Variants in EPM2A observed in about 807,000 individuals in gnomAD.
EPM2A encodes laforin.
EPM2A carries 21 observed loss-of-function variants against 26.5 expected under a neutral mutation model. The ratio of observed to expected loss-of-function variants is 0.79; its 90% CI spans 0.56 to 1.14. The LOEUF (loss-of-function observed/expected upper bound fraction) is 1.14, where lower values mean the gene tolerates loss of function less well. EPM2A is among the 50% of genes most tolerant of loss of function. The probability of loss-of-function intolerance (pLI) is 0.00; values close to 1 mark genes in which losing one functional copy is unlikely to be tolerated. For missense variants in EPM2A, 458 were observed against 440.8 expected (o/e 1.04, Z -0.35); for synonymous variants, 217 against 177.6 (o/e 1.22, Z -1.76).
At chr6:145,524,791 C>T (rs1780248661) in intron 2 of EPM2A, among the ~76,000 whole-genome samples, 1 of 152,014 alleles carries the variant, frequency 6.6e-6, no homozygotes, top group Non-Finnish European at 1.5e-5. Flanking sequence ...TACTTGCTGA[C>T]TTTAGTTTTT....
intron 4 of EPM2A, among the ~76,000 whole-genome samples, chr6:145,455,185 T>C (rs2114711892): frequency 6.6e-6 from 1 of 152,186 alleles, no homozygotes; most frequent in Admixed American, 6.5e-5. Context: ...TATAGAGGTA[T>C]AATTTAAGTG....
chr6:145,692,674 G>T (rs542665107), intron 1 of EPM2A, among the ~76,000 whole-genome samples: 4 of 151,974 alleles, frequency 2.6e-5, no homozygotes, highest in African/African-American at 9.6e-5. Context: ...ATTGAATAGG[G>T]TCCTTTCCCC....
At position 145,425,059 on chromosome 6, in the gene EPM2A, G is replaced by A. The variant is rs148192496; in HGVS notation, c.556-40962C>T. 1.6e-3 allele frequency among the ~76,000 whole-genome samples: 238 copies of A among 152,098 alleles called. 6 individuals are homozygous for A. The highest frequency in any genetic ancestry group is 7.7e-4 in the East Asian group (4 of 5,176). On this transcript the variant is annotated intron_variant, in intron 4 of 4. Transcript: ENST00000638717. ...ACAGTACAGTACCATATGCGATTGAGATTGTGTGTGTTTTCTCATACATAA... is the reference window on the plus strand; with the variant it reads ...ACAGTACAGTACCATATGCGATTGAAATTGTGTGTGTTTTCTCATACATAA...
intron 4 of EPM2A, among the ~76,000 whole-genome samples, chr6:145,488,930 T>C (rs1303098668): frequency 2.6e-5 from 4 of 152,212 alleles, no homozygotes; most frequent in African/African-American, 9.6e-5. Flanking sequence ...GTTGTTATTA[T>C]AGGCAAAAAT....
chr6:145,727,250 G>A (rs575323679), intron 1 of EPM2A, among the ~76,000 whole-genome samples: 13 of 152,012 alleles, frequency 8.6e-5, no homozygotes, highest in Admixed American at 6.5e-5. Context: ...ACATGGTCAC[G>A]AATTTAAAGA....
At chr6:145,648,169 T>C (rs1208132617) in intron 2 of EPM2A, among the ~76,000 whole-genome samples, 1 of 152,184 alleles carries the variant, frequency 6.6e-6, no homozygotes, top group Non-Finnish European at 1.5e-5. Context: ...ATTATATACT[T>C]GTAAATAGGT....
intron 4 of EPM2A, among the ~76,000 whole-genome samples, chr6:145,445,278 T>C (rs1168629472): frequency 4.6e-5 from 7 of 152,102 alleles, no homozygotes; most frequent in Non-Finnish European, 7.4e-5. Flanking sequence ...CAACAAAACA[T>C]TTGCCTATAA....
chr6:145,677,081 C>G (rs1338565986), intron 2 of EPM2A, among the ~76,000 whole-genome samples: 3 of 152,256 alleles, frequency 2.0e-5, no homozygotes, highest in African/African-American at 7.2e-5. Context: ...AAAGCTTATC[C>G]TCCACAATCA....
chr6:145,552,995 C>T (rs1780676289), intron 2 of EPM2A, among the ~76,000 whole-genome samples: 1 of 152,098 alleles, frequency 6.6e-6, no homozygotes, highest in Non-Finnish European at 1.5e-5. Flanking sequence ...TCTGTGTCCC[C>T]ACCCAAATCT....
intron 2 of EPM2A, among the ~76,000 whole-genome samples, chr6:145,657,105 T>TA (rs1562450928): frequency 1.3e-5 from 2 of 149,936 alleles, no homozygotes; most frequent in African/African-American, 4.9e-5. Flanking sequence ...TTTTTTTTTT[T>TA]TTGAGATGGA....
At chr6:145,406,368 G>C (rs1778569526) in intron 4 of EPM2A, among the ~76,000 whole-genome samples, 1 of 152,088 alleles carries the variant, frequency 6.6e-6, no homozygotes, top group African/African-American at 2.4e-5. Context: ...CATAATGCTA[G>C]ATCTATAGTT....
chr6:145,559,494 A>T (rs426874), intron 2 of EPM2A, among the ~76,000 whole-genome samples: 23 of 151,876 alleles, frequency 1.5e-4, no homozygotes, highest in African/African-American at 4.6e-4. Context: ...TAACAAATAA[A>T]GGATAGAGAC....
intron 2 of EPM2A, among the ~76,000 whole-genome samples, chr6:145,527,765 G>A (rs1780298639): frequency 6.6e-6 from 1 of 152,018 alleles, no homozygotes; most frequent in Non-Finnish European, 1.5e-5. Context: ...TAAGTGGGAT[G>A]TTTAGGCATG....
At chr6:145,405,158 A>C (rs939125177) in intron 4 of EPM2A, among the ~76,000 whole-genome samples, 2 of 152,188 alleles carry the variant, frequency 1.3e-5, no homozygotes, top group African/African-American at 4.8e-5. Context: ...AAGCTTACAC[A>C]AAAGTACCAC....
chr6:145,567,191 G>A (rs1175665451), intron 2 of EPM2A, among the ~76,000 whole-genome samples: 1 of 152,166 alleles, frequency 6.6e-6, no homozygotes, highest in Non-Finnish European at 1.5e-5. Context: ...CTACCCATTG[G>A]ATGGATCAAT....
At chr6:145,632,343 G>A (rs546135237) in intron 3 of EPM2A, 1 of 152,292 alleles carries the variant, frequency 6.6e-6, no homozygotes, top group African/African-American at 2.4e-5. Flanking sequence ...AACTCATTTG[G>A]GAGGCAAGGG....
intron 4 of EPM2A, among the ~76,000 whole-genome samples, chr6:145,402,925 C>T (rs1050665577): frequency 2.6e-5 from 4 of 152,114 alleles, no homozygotes; most frequent in African/African-American, 9.7e-5. Flanking sequence ...TGTGCATTTG[C>T]AATTTTAATG....
intron 2 of EPM2A, among the ~76,000 whole-genome samples, chr6:145,519,693 C>T (rs1057360520): frequency 3.3e-5 from 5 of 152,218 alleles, no homozygotes; most frequent in Non-Finnish European, 5.9e-5. Flanking sequence ...ACAGAGGTTT[C>T]GAGAAACCCT....
chr6:145,496,686 C>T (rs907822356), downstream of EPM2A, among the ~76,000 whole-genome samples: 3 of 150,294 alleles, frequency 2.0e-5, no homozygotes, highest in East Asian at 1.9e-4. Flanking sequence ...AGATGGGTTA[C>T]GTTCTTCACT....
Sources: allele counts gnomAD v4.1 joint callset (sites outside exome capture counted in the v4.1 genomes callset), GRCh38; gene constraint gnomAD v4.1.1; transcripts MANE v1.5; gene names NCBI Gene and HGNC (gene_info 2026-07-23, HGNC 2026-07-21).